NCK1: variants seen among roughly 807,000 people sequenced by gnomAD.
NCK1 encodes the protein SH2/SH3 adapter protein NCK1.
A neutral mutation model predicts 36.6 loss-of-function variants in NCK1; 19 were observed. The ratio of observed to expected loss-of-function variants is 0.52; its 90% CI spans 0.36 to 0.76. NCK1 has a LOEUF of 0.76. Among genes scored for constraint, NCK1 ranks in the 30% least tolerant of loss-of-function variants. NCK1 has a pLI of 0.00. For synonymous variants in NCK1, 165 were observed against 156.0 expected (o/e 1.06, Z -0.43); for missense variants, 358 against 445.6 (o/e 0.80, Z 1.77).
At chr3:136,867,115 T>C (rs1261201577) in intron 1 of NCK1, among the ~76,000 whole-genome samples, 27 of 26,852 alleles carry the variant, frequency 1.0e-3, no homozygotes, top group Middle Eastern at 0.015. Context: ...TTTCTTTCTT[T>C]CTTTGTTTCT....
At chr3:136,929,496 C>T (rs112400015) in intron 2 of NCK1, among the ~76,000 whole-genome samples, 12 of 152,126 alleles carry the variant, frequency 7.9e-5, no homozygotes, top group African/African-American at 2.7e-4. Flanking sequence ...TGATTAAGAC[C>T]ATTATTTTTA....
intron 2 of NCK1, among the ~76,000 whole-genome samples, chr3:136,939,123 C>T (rs1159282963): frequency 4.6e-5 from 7 of 152,072 alleles, no homozygotes; most frequent in Non-Finnish European, 7.4e-5. Context: ...ATTTTTGATG[C>T]GAGATGTTTT....
chr3:136,937,590 C>T lies in NCK1; in HGVS notation c.227-7993C>T, dbSNP rs1304093243. The stretch of plus-strand genomic sequence containing the variant: ...TGCCATCTTACACAGAATATCTTTC[C>T]GTTTATTTAAGTCTTCTTTAATTTC... On this transcript the variant is annotated intron_variant, in intron 2 of 3. Coordinates refer to ENST00000481752, the MANE Select transcript of NCK1 (RefSeq NM_001291999.2). Among the ~76,000 whole-genome samples, 3 of 152,102 alleles carry T rather than the reference C, an allele frequency of 2.0e-5. No homozygotes were observed. In the East Asian group the frequency reaches 5.8e-4, roughly 29 times the overall value.
In NCK1 at chr3:136,928,163, C is replaced by T. The variant is rs763704002; in HGVS notation, c.162C>T (p.Asn54=). The change falls in exon 2 of 4, where the codon AAC becomes AAT. Residue 54 remains asparagine, a synonymous_variant. Transcript: ENST00000481752. ...SMNKTGFVPS[N]YVERKNSARK... is the part of the protein sequence containing the mutation. ...ATAAAACAGGTTTTGTGCCTTCTAA[C>T]TATGTGGAAAGGAAAAACAGTGCTC... 8.1e-6 allele frequency: 13 copies of T among 1,613,972 alleles called. No individual in the cohort carries two copies. The South Asian group carries it at 1.4e-4, about 18-fold the overall frequency.
chr3:136,930,883 A>G (rs915179124), intron 2 of NCK1, among the ~76,000 whole-genome samples: 2 of 152,214 alleles, frequency 1.3e-5, no homozygotes, highest in Non-Finnish European at 1.5e-5. Flanking sequence ...AACTTAGCAC[A>G]GACATTTGAA....
At chr3:136,945,555 C>G in intron 2 of NCK1, 28 bp from the exon 3 acceptor site, 22 of 1,406,678 alleles carry the variant, frequency 1.6e-5, no homozygotes, top group South Asian at 2.8e-5. Context: ...TTATATTCTC[C>G]TCTCATGGCC....
rs925030922 is a variant in NCK1 at position 136,950,325 on chromosome 3, A to G, written c.*1872A>G. On this transcript the variant is annotated 3_prime_UTR_variant, in exon 4 of 4. Transcript: ENST00000481752. The stretch of plus-strand genomic sequence containing the variant: ...CACAGACATAAACTATTCATAGTAA[A>G]CTGCACTGAGCTGATATTAATAGAG... 6.6e-6 allele frequency among the ~76,000 whole-genome samples: 1 copy of G among 152,146 alleles called. No individual in the cohort carries two copies. The highest frequency in any genetic ancestry group is 2.4e-5 in the African/African-American group (1 of 41,450).
At chr3:136,876,177 A>C (rs548358775) in intron 1 of NCK1, among the ~76,000 whole-genome samples, 193 of 152,304 alleles carry the variant, frequency 1.3e-3, no homozygotes, top group African/African-American at 4.1e-3. Flanking sequence ...AATTTATAGC[A>C]CTAAATGCCC....
intron 1 of NCK1, among the ~76,000 whole-genome samples, chr3:136,904,847 T>A (rs967940176): frequency 7.3e-5 from 11 of 151,088 alleles, no homozygotes; most frequent in Non-Finnish European, 8.8e-5. Flanking sequence ...TTTTTTTTTT[T>A]AATTATTACT....
chr3:136,894,494 TGTG>T (rs1039491095), intron 1 of NCK1, among the ~76,000 whole-genome samples: 2 of 152,170 alleles, frequency 1.3e-5, no homozygotes, highest in Non-Finnish European at 2.9e-5. Flanking sequence ...TTCTAGGTGA[TGTG>T]GTATGTGGTG....
At chr3:136,888,507 AT>A (rs1365510157) in intron 1 of NCK1, among the ~76,000 whole-genome samples, 1 of 151,580 alleles carries the variant, frequency 6.6e-6, no homozygotes, top group Non-Finnish European at 1.5e-5. Context: ...GGTTTAAGTG[AT>A]TCTCCTGCCT....
At chr3:136,927,640 G>A (rs1940276866) in intron 1 of NCK1, among the ~76,000 whole-genome samples, 7 of 152,130 alleles carry the variant, frequency 4.6e-5, no homozygotes, top group Admixed American at 4.6e-4. Context: ...CCATGCCTCA[G>A]CCTCCTGAGT....
chr3:136,944,772 A>G (rs1940768418), intron 2 of NCK1, among the ~76,000 whole-genome samples: 1 of 152,224 alleles, frequency 6.6e-6, no homozygotes, highest in East Asian at 1.9e-4. Flanking sequence ...TTTTCTAGGT[A>G]AAGTAGAGCA....
intron 1 of NCK1, among the ~76,000 whole-genome samples, chr3:136,916,022 G>A (rs746429448): frequency 5.9e-5 from 9 of 152,084 alleles, no homozygotes; most frequent in Non-Finnish European, 1.0e-4. Flanking sequence ...CACTGGGCCC[G>A]GCCTAGCCAA....
chr3:136,901,911 G>T (rs922192618), intron 1 of NCK1, among the ~76,000 whole-genome samples: 2 of 151,796 alleles, frequency 1.3e-5, no homozygotes, highest in African/African-American at 2.4e-5. Context: ...ACTAATTTGG[G>T]GTTTGGTTCT....
chr3:136,880,638 T>C (rs534230316), intron 1 of NCK1, among the ~76,000 whole-genome samples: 1 of 152,290 alleles, frequency 6.6e-6, no homozygotes, highest in African/African-American at 2.4e-5. Flanking sequence ...TTTGTTTGTT[T>C]GTTTTTTTGA....
At chr3:136,902,172 T>C (rs1033800945) in intron 1 of NCK1, among the ~76,000 whole-genome samples, 1 of 148,948 alleles carries the variant, frequency 6.7e-6, no homozygotes, top group Non-Finnish European at 1.5e-5. Context: ...CCAGAGTTCT[T>C]CTTAACTCTT....
At position 136,946,088 on chromosome 3, in the gene NCK1, A is replaced by G; in HGVS notation, c.732A>G (p.Lys244=). Residue 244 remains lysine (K), a synonymous_variant, in exon 3 of 4, where the codon AAA becomes AAG. Transcript: ENST00000481752. The part of the protein sequence containing the change: ...KINGMVGLVP[K]NYVTVMQNNP... ...ATGGTATGGTTGGTCTAGTACCAAAAAACTATGTTACCGTTATGCAGAATA... is the reference window on the plus strand; with the variant it reads ...ATGGTATGGTTGGTCTAGTACCAAAGAACTATGTTACCGTTATGCAGAATA... 1 of 1,614,012 alleles carries G rather than the reference A, an allele frequency of 6.2e-7. No homozygotes were observed. The highest frequency in any genetic ancestry group is 8.5e-7 in the Non-Finnish European group (1 of 1,180,000).
intron 2 of NCK1, among the ~76,000 whole-genome samples, chr3:136,941,328 G>C (rs1940671704): frequency 6.6e-6 from 1 of 151,522 alleles, no homozygotes; most frequent in Admixed American, 6.6e-5. Flanking sequence ...CGAGGTCTCA[G>C]CATGTTGGCC....
Sources: allele counts gnomAD v4.1 joint callset (sites outside exome capture counted in the v4.1 genomes callset), GRCh38; gene constraint gnomAD v4.1.1; transcripts MANE v1.5; gene names NCBI Gene and HGNC (gene_info 2026-07-23, HGNC 2026-07-21).